Variants in SAFB2 observed in about 807,000 individuals in gnomAD.
SAFB2 encodes the protein scaffold attachment factor B2.
SAFB2 carries 32 observed loss-of-function variants against 100.6 expected under a neutral mutation model. That is an observed-to-expected ratio of 0.32 (90% confidence interval 0.24 to 0.43). The LOEUF (loss-of-function observed/expected upper bound fraction) is 0.43, where lower values mean the gene tolerates loss of function less well. SAFB2 is among the 20% of genes least tolerant of loss of function. The pLI is 1.00. For missense variants in SAFB2, 1,185 were observed against 1,163.4 expected (o/e 1.02, Z -0.27); for synonymous variants, 500 against 439.4 (o/e 1.14, Z -1.72).
intron 8 of SAFB2, 88 bp downstream of exon 8, chr19:5,610,551 T>C (rs1008343363): frequency 2.1e-6 from 2 of 953,196 alleles, no homozygotes; most frequent in Non-Finnish European, 3.2e-6. Flanking sequence ...AACAAATTAC[T>C]GAATCCAAAG....
Position 5,590,340 on chromosome 19 carries a change from G to A in SAFB2, c.2463C>T (p.Gly821=). ...TCTTGTCGGAGCCGTAGCCCCCCCA[G>A]CCATCACGGGAGTCCCGGCCGTGGC... ...PERHGRDSRD[G]WGGYGSDKRL... is the part of the protein sequence containing the mutation. Residue 821 remains glycine (G), a synonymous_variant, in exon 18 of 21, where the codon GGC becomes GGT. Transcript: ENST00000252542. The A allele has an allele frequency of 6.2e-7, 1 of 1,610,628 alleles. No homozygotes were observed.
intron 6 of SAFB2, 53 bp downstream of exon 6, chr19:5,612,487 A>C: frequency 2.0e-6 from 3 of 1,509,304 alleles, no homozygotes; most frequent in Non-Finnish European, 2.8e-6. Flanking sequence ...CAGCTTTAAA[A>C]TAATAGTGTG....
At chr19:5,598,134 CAAA>C (rs11347497) in intron 13 of SAFB2, among the ~76,000 whole-genome samples, 9 of 61,190 alleles carry the variant, frequency 1.5e-4, no homozygotes, top group Admixed American at 1.9e-4. Flanking sequence ...GACTCCATCT[CAAA>C]AAAAAAAAAA....
rs774017187 is a variant in SAFB2 at position 5,587,881 on chromosome 19, G to T, written c.2625C>A (p.His875Gln). ...CCAGCCCCGTACCTTGCCACCTGGCGTGCTCCCGGCTAGCCGCGCCTGCGT... is the reference window on the plus strand; with the variant it reads ...CCAGCCCCGTACCTTGCCACCTGGCTTGCTCCCGGCTAGCCGCGCCTGCGT... The part of the protein sequence containing the change: ...AMDAGAASRE[H>Q]ARWQGGERGL... Residue 875 changes from histidine to glutamine, a missense_variant, in exon 19 of 21, where the codon CAC becomes CAA. Transcript: ENST00000252542. The surrounding 1 kb of genome is among the most constrained non-coding windows in gnomAD (Gnocchi z 4.9). 7.4e-6 allele frequency: 12 copies of T among 1,611,400 alleles called. No homozygotes were observed. The Admixed American group carries it at 2.0e-4, about 27-fold the overall frequency.
At chr19:5,614,111 G>A (rs900559510) in intron 4 of SAFB2, among the ~76,000 whole-genome samples, 58 of 152,010 alleles carry the variant, frequency 3.8e-4, no homozygotes, top group African/African-American at 1.4e-3. Context: ...GCACCACCAC[G>A]CCCGGCTAAT....
At chr19:5,612,049 C>A in intron 6 of SAFB2, 1 of 347,892 alleles carries the variant, frequency 2.9e-6, no homozygotes, top group South Asian at 2.6e-5. Flanking sequence ...AAATCAGAAT[C>A]TCTTCTGACG....
rs1188096843 is a variant in SAFB2 at position 5,593,958 on chromosome 19, G to A, written c.2140C>T (p.Arg714Cys). ...TCGTAACGCAGCTGCTCCTGCTGGC[G>A]CCGCAGCTCCTCGCGCTCGCGGTGG... ...RIHREREELR[R>C]QQEQLRYEQE... is the part of the protein sequence containing the mutation. The change falls in exon 15 of 21, where the codon CGC becomes TGC. Residue 714 changes from arginine to cysteine, a missense_variant. Coordinates refer to ENST00000252542, the MANE Select transcript of SAFB2 (RefSeq NM_014649.3). 1.9e-6 allele frequency: 3 copies of A among 1,554,120 alleles called. No homozygotes were observed. The highest frequency in any genetic ancestry group is 2.6e-6 in the Non-Finnish European group (3 of 1,157,966).
chr19:5,593,064 A>G (rs1271365224), intron 15 of SAFB2, among the ~76,000 whole-genome samples, 177 bp from the exon 16 acceptor site: 2 of 151,716 alleles, frequency 1.3e-5, no homozygotes, highest in African/African-American at 4.8e-5. Flanking sequence ...ATAAATTAAA[A>G]CCGCCATTAA....
rs754772542 is a variant in SAFB2, at chr19:5,593,969, T to TCGCGCTCGCGGTGGA, written c.2114_2128dup (p.Arg709_Glu710insValHisArgGluArg). Reference sequence around the variant, plus strand: ...CTGCTCCTGCTGGCGCCGCAGCTCCTCGCGCTCGCGGTGGATGCGCTCCTG... The same window carrying TCGCGCTCGCGGTGGA: ...CTGCTCCTGCTGGCGCCGCAGCTCCTCGCGCTCGCGGTGGACGCGCTCGCGGTGGATGCGCTCCTG... On this transcript the variant is annotated inframe_insertion, in exon 15 of 21. Transcript: ENST00000252542. The TCGCGCTCGCGGTGGA allele has an allele frequency of 6.4e-7, 1 of 1,551,214 alleles. No individual in the cohort carries two copies.
chr19:5,605,064 G>T, intron 9 of SAFB2, 128 bp from the exon 10 acceptor site: 2 of 1,073,096 alleles, frequency 1.9e-6, no homozygotes, highest in Non-Finnish European at 2.7e-6. Context: ...TTCCATTTTA[G>T]TTACTGAATT....
In SAFB2 at chr19:5,592,771, T is replaced by G. The variant is rs764922540; in HGVS notation, c.2324A>C (p.Gln775Pro). The G allele has an allele frequency of 6.2e-7, 1 of 1,614,110 alleles. No homozygotes were observed. Among genetic ancestry groups the G allele is most frequent in the Admixed American group, 1.7e-5 (1 of 60,018 alleles). The change falls in exon 16 of 21, where the codon CAG (glutamine) becomes CCG (proline). Residue 775 changes from glutamine to proline, a missense_variant. Transcript: ENST00000252542. ...CCTGTCGATGGCGTGGTCCTGGTAC[T>G]GGCCCCGGTCTCGATGATCGAAGTC... ...FHDFDHRDRG[Q>P]YQDHAIDRRE...
chr19:5,618,552 C>T (rs753280967), intron 2 of SAFB2, among the ~76,000 whole-genome samples: 9 of 152,186 alleles, frequency 5.9e-5, no homozygotes, highest in Admixed American at 1.3e-4. Context: ...GCATTTGACA[C>T]GAGAATTTGG....
intron 9 of SAFB2, among the ~76,000 whole-genome samples, chr19:5,606,458 T>C (rs1568221067): frequency 1.3e-5 from 2 of 152,098 alleles, no homozygotes; most frequent in South Asian, 2.1e-4. Context: ...AAACCACATC[T>C]GTACCAAAAA....
intron 14 of SAFB2, 50 bp downstream of exon 14, chr19:5,595,311 C>A: frequency 3.2e-6 from 5 of 1,582,224 alleles, no homozygotes; most frequent in Non-Finnish European, 2.6e-6. Context: ...AGAAGGACAG[C>A]CACCCCGAGA....
intron 9 of SAFB2, among the ~76,000 whole-genome samples, chr19:5,609,300 C>CTTTTTTTT (rs751534976): frequency 2.5e-5 from 3 of 118,878 alleles, no homozygotes; most frequent in Admixed American, 9.0e-5. Flanking sequence ...TCACTTCATT[C>CTTTTTTTT]TTTTTTTTTT....
intron 9 of SAFB2, among the ~76,000 whole-genome samples, chr19:5,606,085 A>C (rs2052768700): frequency 6.6e-6 from 1 of 152,204 alleles, no homozygotes; most frequent in Non-Finnish European, 1.5e-5. Flanking sequence ...ACTCAGGGCC[A>C]CAAATGGTTT....
intron 4 of SAFB2, 36 bp downstream of exon 4, chr19:5,616,096 T>C (rs2053023499): frequency 1.9e-6 from 3 of 1,604,862 alleles, no homozygotes; most frequent in Non-Finnish European, 2.6e-6. Context: ...GCCTCGGGGC[T>C]ATGGGCACAT....
At chr19:5,619,443 A>G (rs1319361436) in intron 2 of SAFB2, among the ~76,000 whole-genome samples, 1 of 152,232 alleles carries the variant, frequency 6.6e-6, no homozygotes, top group African/African-American at 2.4e-5. Context: ...ACTAACTCCA[A>G]GTAGTTTTGA....
intron 7 of SAFB2, 156 bp from the exon 8 acceptor site, chr19:5,610,844 C>A: frequency 2.7e-6 from 2 of 754,406 alleles, no homozygotes; most frequent in Non-Finnish European, 4.2e-6. Context: ...GAAAATCTGA[C>A]CCCAAAAATA....
Sources: gnomAD v4.1 joint callset for allele counts (sites outside exome capture counted in the v4.1 genomes callset) on GRCh38, gnomAD v4.1.1 for gene constraint, Gnocchi (gnomAD v3.1) non-coding constraint, MANE v1.5 for transcripts, NCBI Gene and HGNC (gene_info 2026-07-23, HGNC 2026-07-21) for gene names.